Variants in STIM1 observed in about 807,000 individuals in gnomAD.
STIM1 encodes stromal interaction molecule 1.
STIM1 carries 25 observed loss-of-function variants against 74.7 expected under a neutral mutation model. The observed-to-expected ratio is 0.33, with a 90% CI of 0.24 to 0.47. The LOEUF (loss-of-function observed/expected upper bound fraction) is 0.47, where lower values mean the gene tolerates loss of function less well. Among genes scored for constraint, STIM1 ranks in the 20% least tolerant of loss-of-function variants. The pLI, the probability that STIM1 is intolerant of heterozygous loss-of-function variation, is 1.00. For synonymous variants in STIM1, 328 were observed against 348.8 expected (o/e 0.94, Z 0.66); for missense variants, 728 against 920.8 (o/e 0.79, Z 2.71).
intron 1 of STIM1, among the ~76,000 whole-genome samples, chr11:3,882,203 G>A (rs141657778): frequency 6.7e-5 from 10 of 149,692 alleles, no homozygotes; most frequent in African/African-American, 1.2e-4. Context: ...GGGTTCAAGC[G>A]ATTCTCCTAC....
chr11:4,083,601 A>G (rs2094476957), intron 10 of STIM1, 103 bp downstream of exon 10: 1 of 1,100,128 alleles, frequency 9.1e-7, no homozygotes, highest in Non-Finnish European at 1.3e-6. Flanking sequence ...GCAGATACCC[A>G]GGAAGATAGT....
intron 3 of STIM1, among the ~76,000 whole-genome samples, chr11:4,032,199 G>A (rs898150709): frequency 1.3e-5 from 2 of 152,098 alleles, no homozygotes; most frequent in African/African-American, 4.8e-5. Flanking sequence ...GCTGAGTGCA[G>A]TAGCATACAC....
chr11:3,918,275 G>T (rs545388041), intron 1 of STIM1, among the ~76,000 whole-genome samples: 1 of 152,262 alleles, frequency 6.6e-6, no homozygotes, highest in African/African-American at 2.4e-5. Context: ...CTAGCATTTT[G>T]GGAGGCCAAG....
At chr11:4,052,924 A>G (rs888337079) in intron 3 of STIM1, among the ~76,000 whole-genome samples, 2 of 152,232 alleles carry the variant, frequency 1.3e-5, no homozygotes, top group Non-Finnish European at 2.9e-5. Flanking sequence ...GGCGAAGGAT[A>G]TGAACAGACA....
At chr11:3,954,079 C>G (rs2093182308) in intron 1 of STIM1, among the ~76,000 whole-genome samples, 1 of 152,020 alleles carries the variant, frequency 6.6e-6, no homozygotes, top group South Asian at 2.1e-4. Flanking sequence ...CCTGGCCTGA[C>G]TTTCTGATCT....
intron 6 of STIM1, among the ~76,000 whole-genome samples, chr11:4,071,279 T>C (rs1041052293): frequency 1.3e-5 from 2 of 151,858 alleles, no homozygotes; most frequent in Admixed American, 6.6e-5. Context: ...CTAGGGACTC[T>C]AGTTGGGAAG....
chr11:3,968,139 A>C (rs73427559), intron 2 of STIM1, among the ~76,000 whole-genome samples: 2,155 of 152,354 alleles, frequency 0.014, 52 homozygotes, highest in African/African-American at 0.05. Flanking sequence ...AAATTGTTTT[A>C]GAAAGATCAT....
At chr11:4,039,585 C>CAAAAAAAAAAAAAAAAA in intron 3 of STIM1, among the ~76,000 whole-genome samples, 1 of 54,478 alleles carries the variant, frequency 1.8e-5, no homozygotes, top group Non-Finnish European at 3.3e-5. Flanking sequence ...GACTCCATCT[C>CAAAAAAAAAAAAAAAAA]AAAAAAAAAA....
At chr11:3,869,117 A>C (rs1171735005) in intron 1 of STIM1, among the ~76,000 whole-genome samples, 1 of 151,992 alleles carries the variant, frequency 6.6e-6, no homozygotes, top group African/African-American at 2.4e-5. Context: ...TACAGGCGCC[A>C]GCCACCATGC....
intron 1 of STIM1, among the ~76,000 whole-genome samples, chr11:3,935,774 A>G (rs1049398168): frequency 2.6e-5 from 4 of 152,218 alleles, no homozygotes; most frequent in Admixed American, 2.6e-4. Flanking sequence ...AAAATACCAC[A>G]CCTGGGCTAA....
At chr11:3,888,580 C>T (rs181043032) in intron 1 of STIM1, among the ~76,000 whole-genome samples, 23 of 152,200 alleles carry the variant, frequency 1.5e-4, no homozygotes, top group Non-Finnish European at 2.6e-4. Flanking sequence ...CTCTGTTGCC[C>T]AGGCTAGTGT....
chr11:4,089,387 CAG>C (rs1307825959), intron 12 of STIM1, among the ~76,000 whole-genome samples: 4 of 152,086 alleles, frequency 2.6e-5, no homozygotes, highest in Admixed American at 1.3e-4. Flanking sequence ...CCCTTTTTCT[CAG>C]TGTGATTGCT....
intron 12 of STIM1, 95 bp from the exon 13 acceptor site, chr11:4,091,187 T>G: frequency 2.5e-6 from 4 of 1,568,680 alleles, no homozygotes; most frequent in Non-Finnish European, 3.5e-6. Context: ...ACCCTGTCCT[T>G]GTCTTCTCGT....
chr11:3,960,258 A>T (rs10835390), intron 1 of STIM1, among the ~76,000 whole-genome samples: 2 of 151,974 alleles, frequency 1.3e-5, no homozygotes, highest in African/African-American at 4.8e-5. Flanking sequence ...AATGAAATGC[A>T]TCTTCTGCTT....
At chr11:3,946,995 T>C (rs1384121512) in intron 1 of STIM1, among the ~76,000 whole-genome samples, 4 of 152,210 alleles carry the variant, frequency 2.6e-5, no homozygotes, top group Admixed American at 2.6e-4. Context: ...AAATCACTTC[T>C]CTTTTGGGGG....
intron 1 of STIM1, among the ~76,000 whole-genome samples, chr11:3,900,819 T>A (rs1027779824): frequency 2.0e-5 from 3 of 152,144 alleles, no homozygotes; most frequent in African/African-American, 7.2e-5. Context: ...CAAGCAGTCT[T>A]CCCACCTTGG....
At chr11:3,987,055 A>G (rs2135825892) in intron 2 of STIM1, among the ~76,000 whole-genome samples, 1 of 152,314 alleles carries the variant, frequency 6.6e-6, no homozygotes, top group African/African-American at 2.4e-5. Context: ...AGTCACTGGT[A>G]AGATTAGAAG....
intron 12 of STIM1, 95 bp from the exon 13 acceptor site, chr11:4,091,187 T>C: frequency 6.4e-7 from 1 of 1,568,680 alleles, no homozygotes; most frequent in East Asian, 2.2e-5. Context: ...ACCCTGTCCT[T>C]GTCTTCTCGT....
At chr11:4,068,262 A>G (rs1295157673) in intron 5 of STIM1, among the ~76,000 whole-genome samples, 8 of 152,238 alleles carry the variant, frequency 5.3e-5, no homozygotes, top group Non-Finnish European at 8.8e-5. Flanking sequence ...ATAAGGTAGA[A>G]TAAGAAACCA....
Sources: allele counts gnomAD v4.1 joint callset (sites outside exome capture counted in the v4.1 genomes callset), GRCh38; gene constraint gnomAD v4.1.1; transcripts MANE v1.5; gene names NCBI Gene and HGNC (gene_info 2026-07-23, HGNC 2026-07-21).